SERPINB12: variants seen among roughly 807,000 people sequenced by gnomAD.
SERPINB12 encodes serpin B12.
A neutral mutation model predicts 41.1 loss-of-function variants in SERPINB12; 57 were observed. The ratio of observed to expected loss-of-function variants is 1.39; its 90% CI spans 1.12 to 1.73. The LOEUF (loss-of-function observed/expected upper bound fraction) is 1.73, where lower values mean the gene tolerates loss of function less well. SERPINB12 is among the 40% of genes most tolerant of loss of function. The pLI is 0.00. For synonymous variants in SERPINB12, 180 were observed against 181.3 expected (o/e 0.99, Z 0.06); for missense variants, 536 against 501.9 (o/e 1.07, Z -0.65).
In SERPINB12 at chr18:63,568,892, C is replaced by T. The variant is rs774774852; in HGVS notation, c.*1881C>T. Among the ~76,000 whole-genome samples, 3 of 152,210 alleles carry T rather than the reference C, an allele frequency of 2.0e-5. No individual in the cohort carries two copies. The highest frequency in any genetic ancestry group is 4.8e-5 in the African/African-American group (2 of 41,446). On this transcript the variant is annotated 3_prime_UTR_variant, in exon 8 of 8. Transcript: ENST00000382768. ...TCACTTACGACCTAAAACAATTTGA[C>T]GTTGGTAACGTGAGGCAGTTTGAGG...
At chr18:63,556,400 C>G in intron 2 of SERPINB12, 73 bp downstream of exon 2, 1 of 1,445,294 alleles carries the variant, frequency 6.9e-7, no homozygotes, top group East Asian at 2.3e-5. Context: ...CCTAATCCCA[C>G]TTAGGCAAGC....
At chr18:63,532,997 G>A in the SERPINB12 span, among the ~76,000 whole-genome samples, 1 of 150,704 alleles carries the variant, frequency 6.6e-6, no homozygotes, top group Non-Finnish European at 1.5e-5. Flanking sequence ...CTTTTTTTTC[G>A]AGACAGAATC....
chr18:63,543,214 T>C (rs984838505), intron 1 of SERPINB12, among the ~76,000 whole-genome samples: 4 of 152,198 alleles, frequency 2.6e-5, no homozygotes, highest in African/African-American at 9.6e-5. Flanking sequence ...ATGTTTATTG[T>C]ATCTAAATGC....
intron 6 of SERPINB12, 84 bp downstream of exon 6, chr18:63,564,204 G>C: frequency 7.3e-7 from 1 of 1,372,410 alleles, no homozygotes; most frequent in Non-Finnish European, 1.0e-6. Flanking sequence ...TACTCGAAAA[G>C]TTACAGCTTA....
intron 1 of SERPINB12, among the ~76,000 whole-genome samples, chr18:63,552,049 A>AGTGGGGAAGAAATGTAGCTACAT (rs757078350): frequency 2.0e-5 from 3 of 152,178 alleles, no homozygotes; most frequent in Non-Finnish European, 4.4e-5. Context: ...AGGTTTATAT[A>AGTGGGGAAGAAATGTAGCTACAT]GTGGGGAAGA....
At position 63,552,638 on chromosome 18, in the gene SERPINB12, C is replaced by T. The variant is rs149215138; in HGVS notation, c.-18-3504C>T. On this transcript the variant is annotated intron_variant, in intron 1 of 7. Coordinates refer to ENST00000382768, the MANE Select transcript of SERPINB12 (RefSeq NM_001307928.2). ...GTCTTAAACTCTACTCCTGAATCTG[C>T]GAATGCATTATCTGCTCTGTTAGGT... 9.2e-5 allele frequency among the ~76,000 whole-genome samples: 14 copies of T among 152,192 alleles called. No individual in the cohort carries two copies. The East Asian group carries it at 2.1e-3, about 23-fold the overall frequency.
chr18:63,561,096 T>C lies in SERPINB12; in HGVS notation c.456T>C (p.Asp152=). 4 of 1,604,072 alleles carry C rather than the reference T, an allele frequency of 2.5e-6. No homozygotes were observed. Among genetic ancestry groups the C allele is most frequent in the Non-Finnish European group, 3.4e-6 (4 of 1,171,204 alleles). ...TTCCAATGGAACAGGAATACTTAGATGGTGTGATTCAATTTTACCACACGA... is the reference window on the plus strand; with the variant it reads ...TTCCAATGGAACAGGAATACTTAGACGGTGTGATTCAATTTTACCACACGA... The part of the protein sequence containing the change: ...QEFPICQEYL[D]GVIQFYHTTI... Residue 152 remains aspartate (D), a synonymous_variant, in exon 5 of 8, where the codon GAT becomes GAC. Coordinates refer to ENST00000382768, the MANE Select transcript of SERPINB12 (RefSeq NM_001307928.2).
At chr18:63,528,587 T>A in the SERPINB12 span, among the ~76,000 whole-genome samples, 1 of 151,942 alleles carries the variant, frequency 6.6e-6, no homozygotes, top group African/African-American at 2.4e-5. Context: ...GGGAAAAAAG[T>A]AAAATAGCCG....
At position 63,567,923 on chromosome 18, in the gene SERPINB12, T is replaced by G. The variant is rs151022244; in HGVS notation, c.*912T>G. Among the ~76,000 whole-genome samples, 10 of 144,290 alleles carry G rather than the reference T, an allele frequency of 6.9e-5. No individual in the cohort carries two copies. The East Asian group carries it at 1.5e-3, about 22-fold the overall frequency. The allele number at this position is 144,290 out of a possible 152,430, so 94.7% of individuals were successfully genotyped here. A position where few individuals can be genotyped will look rare whatever the true frequency, so the allele number is the denominator to read the frequency against. ...CTCTGCCTTCTGGCCACGTGGAGGCTGGCCTCTGTGTGCCCCTCTCTCTGC... is the reference window on the plus strand; with the variant it reads ...CTCTGCCTTCTGGCCACGTGGAGGCGGGCCTCTGTGTGCCCCTCTCTCTGC... On this transcript the variant is annotated 3_prime_UTR_variant, in exon 8 of 8. Coordinates refer to ENST00000382768, the MANE Select transcript of SERPINB12 (RefSeq NM_001307928.2).
At chr18:63,520,798 A>G in the SERPINB12 span, among the ~76,000 whole-genome samples, 2 of 152,284 alleles carry the variant, frequency 1.3e-5, no homozygotes, top group South Asian at 4.1e-4. Context: ...GAATAAACAG[A>G]TGGTGAGGCC....
the SERPINB12 span, among the ~76,000 whole-genome samples, chr18:63,519,541 T>A: frequency 6.6e-6 from 1 of 152,194 alleles, no homozygotes; most frequent in Non-Finnish European, 1.5e-5. Flanking sequence ...TCCCTCTCAG[T>A]CTGATATACC....
chr18:63,541,965 AG>A (rs1316368538), upstream of SERPINB12, among the ~76,000 whole-genome samples: 2 of 152,194 alleles, frequency 1.3e-5, no homozygotes, highest in Admixed American at 1.3e-4. Flanking sequence ...AGAACCTCAC[AG>A]TTTTGTCACT....
the SERPINB12 span, among the ~76,000 whole-genome samples, chr18:63,524,754 C>CTT: frequency 1.8e-4 from 25 of 138,474 alleles, no homozygotes; most frequent in Non-Finnish European, 2.7e-4. Flanking sequence ...TTTCCCTTTC[C>CTT]TTTTTTTTTT....
the SERPINB12 span, among the ~76,000 whole-genome samples, chr18:63,525,480 T>C: frequency 2.6e-5 from 4 of 152,180 alleles, no homozygotes; most frequent in African/African-American, 9.6e-5. Flanking sequence ...TTAACAATTT[T>C]ATTAATAGAG....
chr18:63,540,252 G>T (rs934687028), upstream of SERPINB12, among the ~76,000 whole-genome samples: 2 of 152,182 alleles, frequency 1.3e-5, no homozygotes, highest in Non-Finnish European at 2.9e-5. Flanking sequence ...GGTTTTAGGA[G>T]AGGAAAATGG....
the SERPINB12 span, among the ~76,000 whole-genome samples, chr18:63,526,929 C>T: frequency 2.0e-5 from 3 of 152,198 alleles, no homozygotes; most frequent in South Asian, 2.1e-4. Context: ...AAACCTGTGC[C>T]GCATGTAACT....
chr18:63,550,003 G>A (rs1910483675), intron 1 of SERPINB12, among the ~76,000 whole-genome samples: 1 of 152,174 alleles, frequency 6.6e-6, no homozygotes, highest in Non-Finnish European at 1.5e-5. Flanking sequence ...CTAACTTACA[G>A]GATTTTTTGA....
At chr18:63,527,742 T>C in the SERPINB12 span, among the ~76,000 whole-genome samples, 1 of 152,266 alleles carries the variant, frequency 6.6e-6, no homozygotes, top group East Asian at 1.9e-4. Context: ...TTTAACAAAC[T>C]GGGAAAGTTT....
chr18:63,559,712 C>G lies in SERPINB12; in HGVS notation c.438C>G (p.Ile146Met). ...NRLYGEQEFP[I>M]CQEYLDGVIQ... ...TTTATGGAGAGCAGGAATTCCCAAT[C>G]TGTCAGGTGAGTTGCACACGAATGG... Residue 146 changes from isoleucine to methionine, a missense_variant, in exon 4 of 8, where the codon ATC becomes ATG. By Grantham distance (10) the Ile-to-Met change is conservative. Transcript: ENST00000382768. 1 of 1,613,996 alleles carries G rather than the reference C, an allele frequency of 6.2e-7. No individual in the cohort carries two copies. Among genetic ancestry groups the G allele is most frequent in the East Asian group, 2.2e-5 (1 of 44,876 alleles).
Sources: gnomAD v4.1 joint callset for allele counts (sites outside exome capture counted in the v4.1 genomes callset) on GRCh38, gnomAD v4.1.1 for gene constraint, MANE v1.5 for transcripts, NCBI Gene and HGNC (gene_info 2026-07-23, HGNC 2026-07-21) for gene names.